NKAIN2: variants seen among roughly 807,000 people sequenced by gnomAD.
NKAIN2 encodes sodium/potassium transporting ATPase interacting 2.
Under a neutral mutation model 32.6 loss-of-function variants are expected in NKAIN2, and 14 were observed. The ratio of observed to expected loss-of-function variants is 0.43; its 90% CI spans 0.28 to 0.67. The LOEUF (loss-of-function observed/expected upper bound fraction) is 0.67. Among genes scored for constraint, NKAIN2 ranks in the 30% least tolerant of loss-of-function variants. NKAIN2 has a pLI of 0.17. For missense variants in NKAIN2, 198 were observed against 258.3 expected, an observed-to-expected ratio of 0.77 and a Z score of 1.60; for synonymous variants, 80 against 87.2, an observed-to-expected ratio of 0.92 and a Z score of 0.46.
chr6:123,823,692 G>T (rs914844454), intron 1 of NKAIN2, among the ~76,000 whole-genome samples: 1 of 152,102 alleles, frequency 6.6e-6, no homozygotes, highest in African/African-American at 2.4e-5. Flanking sequence ...TTGAAGAGAA[G>T]AAGAATTATT....
chr6:123,911,812 T>TATATACAC (rs1331943561), intron 1 of NKAIN2, among the ~76,000 whole-genome samples: 5 of 85,010 alleles, frequency 5.9e-5, no homozygotes, highest in African/African-American at 2.3e-4. Context: ...TATATATATA[T>TATATACAC]ACACACACAC....
intron 1 of NKAIN2, among the ~76,000 whole-genome samples, chr6:124,080,736 A>T (rs1044305133): frequency 7.7e-5 from 11 of 143,208 alleles, no homozygotes; most frequent in African/African-American, 2.4e-4. Context: ...TAGCAAAAAC[A>T]CTCCCCCCCT....
intron 2 of NKAIN2, among the ~76,000 whole-genome samples, chr6:124,350,698 G>T (rs1275897976): frequency 2.0e-4 from 30 of 152,184 alleles, no homozygotes; most frequent in Non-Finnish European, 1.5e-5. Flanking sequence ...TGAAAATAGT[G>T]AAAGTAAATG....
chr6:124,575,464 T>C (rs569519366), intron 3 of NKAIN2, among the ~76,000 whole-genome samples: 1 of 152,352 alleles, frequency 6.6e-6, no homozygotes, highest in East Asian at 1.9e-4. Flanking sequence ...CAAAGGTGTT[T>C]GGCCTTCTGA....
chr6:124,354,340 T>A (rs1270057330), intron 2 of NKAIN2, among the ~76,000 whole-genome samples: 1 of 152,216 alleles, frequency 6.6e-6, no homozygotes, highest in African/African-American at 2.4e-5. Flanking sequence ...CTTGCTAGCA[T>A]GTTGCCTTCT....
At chr6:124,092,865 T>C (rs549147587) in intron 1 of NKAIN2, among the ~76,000 whole-genome samples, 55 of 152,158 alleles carry the variant, frequency 3.6e-4, no homozygotes, top group African/African-American at 1.3e-3. Context: ...CTATTAACCA[T>C]TTCCAAATCA....
At position 123,830,398 on chromosome 6, in the gene NKAIN2, C is replaced by G. The variant is rs113823620; in HGVS notation, c.54+26144C>G. ...CCTTAACATAATTTACAAGGACATGCCTGGCCTAACCCCTTCCCTGTCTCA... is the reference window on the plus strand; with the variant it reads ...CCTTAACATAATTTACAAGGACATGGCTGGCCTAACCCCTTCCCTGTCTCA... On this transcript the variant is annotated intron_variant, in intron 1 of 6. Coordinates refer to ENST00000368417, the MANE Select transcript of NKAIN2 (RefSeq NM_001040214.3). Among the ~76,000 whole-genome samples the G allele has an allele frequency of 7.5e-4, 114 of 152,272 alleles. 1 individual carries two copies. Among genetic ancestry groups the G allele is most frequent in the African/African-American group, 2.7e-3 (112 of 41,560 alleles).
chr6:124,323,561 C>A (rs893887677), intron 2 of NKAIN2, among the ~76,000 whole-genome samples: 2 of 152,074 alleles, frequency 1.3e-5, no homozygotes, highest in South Asian at 2.1e-4. Flanking sequence ...TCTTTCCCCC[C>A]ACTTAATCAC....
chr6:124,703,888 T>C (rs1774921574), intron 4 of NKAIN2, among the ~76,000 whole-genome samples: 1 of 151,988 alleles, frequency 6.6e-6, no homozygotes, highest in African/African-American at 2.4e-5. Context: ...GTAAATTCAA[T>C]GTCATATAGG....
rs533703611 is a variant in NKAIN2 at position 124,073,776 on chromosome 6, C to T, written c.55-209229C>T. Among the ~76,000 whole-genome samples the T allele has an allele frequency of 8.5e-5, 13 of 152,188 alleles. No homozygotes were observed. The East Asian group carries it at 2.5e-3, about 29-fold the overall frequency. On this transcript the variant is annotated intron_variant, in intron 1 of 6. Transcript: ENST00000368417. ...AAGCATATAACATACGATTAAATAA[C>T]CCTCTAGCACCATGGGTCCTCCCTG...
intron 3 of NKAIN2, among the ~76,000 whole-genome samples, chr6:124,575,167 G>T (rs1008529449): frequency 3.3e-5 from 5 of 152,142 alleles, no homozygotes; most frequent in African/African-American, 1.2e-4. Context: ...CTAACCTTTA[G>T]GGGAGATGGT....
chr6:124,625,266 C>T lies in NKAIN2; in HGVS notation c.274-32920C>T, dbSNP rs375393903. Among the ~76,000 whole-genome samples the T allele has an allele frequency of 3.2e-4, 48 of 151,910 alleles. No individual in the cohort carries two copies. In the East Asian group the frequency reaches 5.0e-3, roughly 16 times the overall value. The stretch of plus-strand genomic sequence containing the variant: ...GGACATATTTTCTCTACAAAAAAAA[C>T]AAAAATCTTACTTTCAAACGACATA... On this transcript the variant is annotated intron_variant, in intron 3 of 6. Transcript: ENST00000368417.
In NKAIN2 at chr6:123,822,758, C is replaced by G. The variant is rs866104433; in HGVS notation, c.54+18504C>G. On this transcript the variant is annotated intron_variant, in intron 1 of 6. Transcript: ENST00000368417. The stretch of plus-strand genomic sequence containing the variant: ...GGAATCTGATTCTCAAATCCTGTCT[C>G]CAAAATTCCTGTAACTTTGCACAAA... Among the ~76,000 whole-genome samples, 10 of 152,194 alleles carry G rather than the reference C, an allele frequency of 6.6e-5. No homozygotes were observed. In the Middle Eastern group the frequency reaches 0.017, roughly 261 times the overall value.
At chr6:124,613,108 C>T (rs940805307) in intron 3 of NKAIN2, among the ~76,000 whole-genome samples, 41 of 152,070 alleles carry the variant, frequency 2.7e-4, no homozygotes, top group Non-Finnish European at 1.3e-4. Context: ...ATTAATCAGC[C>T]TTGGAAGAAT....
rs145665941 is a variant in NKAIN2, at chr6:124,110,969, C to A, written c.55-172036C>A. ...ATTTGGTAGAATTTAGTAGTGAAGT[C>A]ATCTTATCCTGGGCTTTTATTTTTT... On this transcript the variant is annotated intron_variant, in intron 1 of 6. Transcript: ENST00000368417. Among the ~76,000 whole-genome samples, 1,208 of 152,112 alleles carry A rather than the reference C, an allele frequency of 7.9e-3. 18 individuals are homozygous for A. The highest frequency in any genetic ancestry group is 0.028 in the African/African-American group (1,166 of 41,524).
intron 1 of NKAIN2, among the ~76,000 whole-genome samples, chr6:124,237,610 AT>A (rs1222189084): frequency 1.3e-5 from 2 of 152,130 alleles, no homozygotes; most frequent in Non-Finnish European, 2.9e-5. Flanking sequence ...ATGTGTATGT[AT>A]TTTAAGAACA....
chr6:124,166,919 A>T (rs1228386461), intron 1 of NKAIN2, among the ~76,000 whole-genome samples: 6 of 149,510 alleles, frequency 4.0e-5, no homozygotes, highest in Non-Finnish European at 7.5e-5. Flanking sequence ...TGGTTACTGT[A>T]GCCTTGTAGT....
intron 3 of NKAIN2, among the ~76,000 whole-genome samples, chr6:124,434,419 G>A (rs1257511701): frequency 6.6e-6 from 1 of 151,916 alleles, no homozygotes. Flanking sequence ...TATTTATGTT[G>A]TATTCAAAAT....
Position 124,823,621 on chromosome 6 carries a change from C to A in NKAIN2, c.*392C>A, listed in dbSNP as rs1781480265. ...CTGTGAGCTGGGAAGTCATCCAAGG[C>A]ACATTAGTTTGAGAGCTCTGTCTTC... On this transcript the variant is annotated 3_prime_UTR_variant, in exon 7 of 7. Transcript: ENST00000368417. 5.2e-6 allele frequency: 1 copy of A among 194,006 alleles called. No individual in the cohort carries two copies. Among genetic ancestry groups the A allele is most frequent in the South Asian group, 1.4e-4 (1 of 7,358 alleles). The allele number at this position is 194,006 out of a possible 1,614,324, so 12.0% of individuals were successfully genotyped here.
Sources: allele counts gnomAD v4.1 joint callset (sites outside exome capture counted in the v4.1 genomes callset), GRCh38; gene constraint gnomAD v4.1.1; transcripts MANE v1.5; gene names NCBI Gene and HGNC (gene_info 2026-07-23, HGNC 2026-07-21).